DSCAML1: variants seen among roughly 807,000 people sequenced by gnomAD.
DSCAML1 encodes DS cell adhesion molecule like 1.
In DSCAML1, 38 loss-of-function variants were observed where a neutral mutation model predicts 200.5. The observed-to-expected ratio is 0.19, with a 90% CI of 0.15 to 0.25. The LOEUF is 0.25. DSCAML1 is among the 10% of genes least tolerant of loss of function. The pLI is 1.00. For synonymous variants in DSCAML1, 1,215 were observed against 1,165.0 expected (o/e 1.04, Z -0.87); for missense variants, 2,223 against 2,858.8 (o/e 0.78, Z 5.07).
chr11:117,461,932 G>A (rs1427330103), intron 17 of DSCAML1, among the ~76,000 whole-genome samples: 3 of 152,180 alleles, frequency 2.0e-5, no homozygotes, highest in East Asian at 1.9e-4. Flanking sequence ...AGGCCACCAC[G>A]ACCCAGGCAA....
Position 117,521,250 on chromosome 11 carries a change from C to T in DSCAML1, c.1093G>A (p.Gly365Arg), listed in dbSNP as rs370224299. Residue 365 changes from glycine (G) to arginine (R), a missense_variant, in exon 6 of 33, where the codon GGG becomes AGG. Physicochemically the swap from Gly to Arg is moderately radical, Grantham distance 125. This residue lies in a region of DSCAML1 where 579 missense variants were observed against 721.5 expected (regional missense o/e 0.80). Transcript: ENST00000651296. ...ATGAGCAGCGTCTCGTTGCTGAGCC[C>T]GCGGATGGAGATGGCCTCGTCAGGC... The part of the protein sequence containing the change: ...VLPDEAISIR[G>R]LSNETLLITS... The T allele has an allele frequency of 1.9e-6, 3 of 1,614,032 alleles. No homozygotes were observed. The highest frequency in any genetic ancestry group is 1.3e-5 in the African/African-American group (1 of 74,932).
intron 3 of DSCAML1, among the ~76,000 whole-genome samples, chr11:117,701,752 C>T (rs1176637714): frequency 2.0e-5 from 3 of 152,228 alleles, no homozygotes; most frequent in Non-Finnish European, 1.5e-5. Context: ...CTGTCACCTA[C>T]AGACCCTTTG....
In DSCAML1 at chr11:117,474,258, G is replaced by A. The variant is rs528521199; in HGVS notation, c.2786-2222C>T. Among the ~76,000 whole-genome samples the A allele has an allele frequency of 3.9e-5, 6 of 152,104 alleles. No individual in the cohort carries two copies. In the South Asian group the frequency reaches 1.0e-3, roughly 26 times the overall value. ...GGCTTTTTGGGTGTATTCAACACTTGGACCTCTCTCCCTTCTTCAGGAAAC... is the reference window on the plus strand; with the variant it reads ...GGCTTTTTGGGTGTATTCAACACTTAGACCTCTCTCCCTTCTTCAGGAAAC... On this transcript the variant is annotated intron_variant, in intron 14 of 32. Transcript: ENST00000651296.
chr11:117,590,224 T>C (rs1342868301), intron 3 of DSCAML1, among the ~76,000 whole-genome samples: 3 of 152,156 alleles, frequency 2.0e-5, no homozygotes, highest in Non-Finnish European at 1.5e-5. Context: ...AGCCTTGCTC[T>C]GTTGCCCAGG....
intron 3 of DSCAML1, among the ~76,000 whole-genome samples, chr11:117,637,737 G>A (rs756807768): frequency 6.6e-6 from 1 of 152,208 alleles, no homozygotes; most frequent in African/African-American, 2.4e-5. Context: ...CAAAGGAAAT[G>A]AGAAGTCCAC....
chr11:117,429,785 G>T lies in DSCAML1; in HGVS notation c.5686+937C>A, dbSNP rs570932128. ...CTGCAAATGGGCCTCTTCCCCCGGGGAGCTGGGCCAGGCATTTTCCTTAGA... is the reference window on the plus strand; with the variant it reads ...CTGCAAATGGGCCTCTTCCCCCGGGTAGCTGGGCCAGGCATTTTCCTTAGA... On this transcript the variant is annotated intron_variant, in intron 32 of 32. Coordinates refer to ENST00000651296, the MANE Select transcript of DSCAML1 (RefSeq NM_020693.4). 2.4e-3 allele frequency among the ~76,000 whole-genome samples: 361 copies of T among 152,360 alleles called. 2 individuals are homozygous for T. Among genetic ancestry groups the T allele is most frequent in the African/African-American group, 8.4e-3 (348 of 41,578 alleles).
intron 1 of DSCAML1, among the ~76,000 whole-genome samples, chr11:117,785,178 C>T (rs572813891): frequency 6.6e-6 from 1 of 152,196 alleles, no homozygotes; most frequent in Non-Finnish European, 1.5e-5. Flanking sequence ...AGGAGAATGG[C>T]TCCACCTTCC....
chr11:117,763,737 C>A lies in DSCAML1; in HGVS notation c.511+13054G>T, dbSNP rs542789672. ...CAGGGAGCTTTAACGACTGCAGATG[C>A]CTGGGTTTCACTGCCAAGGATCCTG... On this transcript the variant is annotated intron_variant, in intron 3 of 32. Coordinates refer to ENST00000651296, the MANE Select transcript of DSCAML1 (RefSeq NM_020693.4). Among the ~76,000 whole-genome samples, 680 of 152,048 alleles carry A rather than the reference C, an allele frequency of 4.5e-3. 3 individuals are homozygous for A. The highest frequency in any genetic ancestry group is 6.1e-3 in the Non-Finnish European group (415 of 67,986).
intron 3 of DSCAML1, among the ~76,000 whole-genome samples, chr11:117,677,185 C>T (rs568415435): frequency 1.2e-4 from 18 of 152,290 alleles, no homozygotes; most frequent in African/African-American, 4.3e-4. Context: ...CTCAGAATTT[C>T]TTCAGGAGCC....
At chr11:117,617,568 C>G (rs560276081) in intron 3 of DSCAML1, among the ~76,000 whole-genome samples, 1 of 151,984 alleles carries the variant, frequency 6.6e-6, no homozygotes, top group Admixed American at 6.6e-5. Context: ...ACAATAATTA[C>G]GCCAAAGACA....
At chr11:117,577,962 T>G (rs1241586406) in intron 3 of DSCAML1, among the ~76,000 whole-genome samples, 1 of 150,832 alleles carries the variant, frequency 6.6e-6, no homozygotes, top group Non-Finnish European at 1.5e-5. Context: ...CAGCCTGGCA[T>G]GGTGGCTCAT....
At chr11:117,695,828 T>C (rs1474113690) in intron 3 of DSCAML1, among the ~76,000 whole-genome samples, 3 of 152,230 alleles carry the variant, frequency 2.0e-5, no homozygotes, top group Non-Finnish European at 4.4e-5. Flanking sequence ...GGGTGAGTTA[T>C]TAATTCAAGC....
rs539786645 is a variant in DSCAML1 at position 117,752,886 on chromosome 11, C to A, written c.511+23905G>T. ...CTCCCAGGGCCCAGCACAGAGCCTG[C>A]GCACAGGGGTGCCCAGTGAGCCAGC... On this transcript the variant is annotated intron_variant, in intron 3 of 32. Coordinates refer to ENST00000651296, the MANE Select transcript of DSCAML1 (RefSeq NM_020693.4). Among the ~76,000 whole-genome samples, 6 of 152,294 alleles carry A rather than the reference C, an allele frequency of 3.9e-5. No individual in the cohort carries two copies. In the South Asian group the frequency reaches 8.3e-4, roughly 21 times the overall value.
chr11:117,603,704 A>G (rs1292958712), intron 3 of DSCAML1, among the ~76,000 whole-genome samples: 1 of 152,236 alleles, frequency 6.6e-6, no homozygotes, highest in East Asian at 1.9e-4. Context: ...TCTTCCAGTA[A>G]GGCCAATAGT....
At chr11:117,751,140 G>A (rs1254894400) in intron 3 of DSCAML1, among the ~76,000 whole-genome samples, 1 of 152,104 alleles carries the variant, frequency 6.6e-6, no homozygotes, top group Admixed American at 6.5e-5. Flanking sequence ...TGGCACGGAC[G>A]TGACTCTGCA....
Position 117,504,155 on chromosome 11 carries a change from T to A in DSCAML1, c.2183-134A>T, listed in dbSNP as rs2049448126. The A allele has an allele frequency of 9.4e-7, 1 of 1,060,724 alleles. No homozygotes were observed. The highest frequency in any genetic ancestry group is 2.6e-5 in the Admixed American group (1 of 38,602). The allele number at this position is 1,060,724 out of a possible 1,614,324, so 65.7% of individuals were successfully genotyped here. On this transcript the variant is annotated intron_variant, in intron 10 of 32. Coordinates refer to ENST00000651296, the MANE Select transcript of DSCAML1 (RefSeq NM_020693.4). This position sits in a 1 kb window ranked among gnomAD's most constrained non-coding sequence, Gnocchi z 5.0. ...TAGCAGAGCTGCACCATCCCCAAAG[T>A]GCTGAGGCCACATGGCTCCTGGTGG...
At chr11:117,664,923 G>A (rs1409109783) in intron 3 of DSCAML1, among the ~76,000 whole-genome samples, 2 of 152,138 alleles carry the variant, frequency 1.3e-5, no homozygotes, top group Non-Finnish European at 2.9e-5. Flanking sequence ...TCAGAACCAC[G>A]TCTATCAACA....
chr11:117,774,942 G>A (rs1444273865), intron 3 of DSCAML1, among the ~76,000 whole-genome samples: 1 of 152,096 alleles, frequency 6.6e-6, no homozygotes, highest in Non-Finnish European at 1.5e-5. Flanking sequence ...TCTGAGCCCT[G>A]TACCTGGGAT....
chr11:117,661,393 T>C (rs981234633), intron 3 of DSCAML1, among the ~76,000 whole-genome samples: 4 of 152,210 alleles, frequency 2.6e-5, no homozygotes, highest in African/African-American at 7.2e-5. Context: ...GTGCACCGAA[T>C]AGTGAATACA....
Sources: allele counts gnomAD v4.1 joint callset (sites outside exome capture counted in the v4.1 genomes callset), GRCh38; gene constraint gnomAD v4.1.1; regional missense constraint gnomAD v4.1.1; non-coding constraint Gnocchi (gnomAD v3.1); transcripts MANE v1.5; gene names NCBI Gene and HGNC (gene_info 2026-07-23, HGNC 2026-07-21).